HHLA1: variants seen among roughly 807,000 people sequenced by gnomAD.
The protein encoded by HHLA1 is HHLA1 neighbor of OC90, also known as HERV-H LTR-associating protein 1.
HHLA1 carries 72 observed loss-of-function variants against 69.9 expected under a neutral mutation model. That is an observed-to-expected ratio of 1.03 (90% CI 0.85 to 1.25). HHLA1 has a LOEUF of 1.25. Ranked by LOEUF, HHLA1 falls within the 50% of genes most tolerant of loss-of-function variation. The pLI, the probability that HHLA1 is intolerant of heterozygous loss-of-function variation, is 0.00. For missense variants in HHLA1, 685 were observed against 642.2 expected (o/e 1.07, Z -0.72); for synonymous variants, 252 against 233.2 (o/e 1.08, Z -0.73).
intron 7 of HHLA1, among the ~76,000 whole-genome samples, chr8:132,093,236 T>C (rs1823972344): frequency 1.3e-5 from 2 of 152,162 alleles, no homozygotes; most frequent in African/African-American, 4.8e-5. Context: ...TTTATTAGCA[T>C]GTTAATAGTG....
chr8:132,070,079 G>A (rs1439679131), intron 15 of HHLA1: 1 of 215,160 alleles, frequency 4.6e-6, no homozygotes, highest in Non-Finnish European at 9.3e-6. Context: ...CTGTCCACCT[G>A]GGCTTCAGAC....
intron 10 of HHLA1, chr8:132,080,213 T>A: frequency 1.7e-6 from 1 of 602,036 alleles, no homozygotes; most frequent in Non-Finnish European, 3.1e-6. Context: ...GTCTCCTCCA[T>A]ATGCCTTATG....
Position 132,104,103 on chromosome 8 carries a change from C to T in HHLA1, c.139+5G>A. On this transcript the variant is annotated splice_donor_5th_base_variant and intron_variant, in intron 3 of 16. Coordinates refer to ENST00000414222, the MANE Select transcript of HHLA1 (RefSeq NM_001145095.3). ...GCTGAAAAGGAGCCCTTATCACCCA[C>T]TTACCTGTTGTAGGTAAAAAGGTCA... 1 of 1,546,386 alleles carries T rather than the reference C, an allele frequency of 6.5e-7. No homozygotes were observed. Among genetic ancestry groups the T allele is most frequent in the South Asian group, 1.2e-5 (1 of 83,960 alleles).
Position 132,087,890 on chromosome 8 carries a change from T to C in HHLA1, c.544A>G (p.Asn182Asp). The change falls in exon 9 of 17, where the codon AAT (asparagine) becomes GAT (aspartate). Residue 182 changes from asparagine (N) to aspartate (D), a missense_variant. By Grantham distance (23) the Asn-to-Asp change is conservative. Coordinates refer to ENST00000414222, the MANE Select transcript of HHLA1 (RefSeq NM_001145095.3). The part of the protein sequence containing the change: ...STSILSVNQS[N>D]ESDCIFICVM... ...CAGATGAAGATGCAATCTGATTCAT[T>C]GCTTTGATTCACTGTAAGACAAACG... 6.4e-7 allele frequency: 1 copy of C among 1,551,268 alleles called. No homozygotes were observed. Among genetic ancestry groups the C allele is most frequent in the Non-Finnish European group, 8.7e-7 (1 of 1,146,464 alleles).
rs138673082 is a variant in HHLA1 at position 132,087,672 on chromosome 8, G to A, written c.657C>T (p.Ser219=). The change falls in exon 10 of 17, where the codon AGC becomes AGT. Residue 219 remains serine, a synonymous_variant. Transcript: ENST00000414222. ...KYPIINYTFT[S]GLSGVLGAAT... is the part of the protein sequence containing the mutation. ...ACTCACCCAGAACACCAGACAAGCC[G>A]CTGGTAAATGTGTAATTGATAATGG... 6.4e-5 allele frequency: 100 copies of A among 1,550,772 alleles called. No individual in the cohort carries two copies. The African/African-American group carries it at 9.6e-4, about 15-fold the overall frequency.
intron 5 of HHLA1, among the ~76,000 whole-genome samples, 156 bp from the exon 6 acceptor site, chr8:132,095,942 TAAAC>T (rs762781149): frequency 4.7e-4 from 71 of 152,078 alleles, no homozygotes; most frequent in Middle Eastern, 3.4e-3. Flanking sequence ...TAAAAAATAA[TAAAC>T]AAAGTAAAAC....
intron 7 of HHLA1, among the ~76,000 whole-genome samples, chr8:132,094,200 T>A (rs1211231084): frequency 6.6e-6 from 1 of 152,074 alleles, no homozygotes; most frequent in Non-Finnish European, 1.5e-5. Context: ...AGGGTTAATA[T>A]TAGACTAAGT....
At chr8:132,076,574 C>A in intron 12 of HHLA1, 31 bp from the exon 13 acceptor site, 23 of 1,452,724 alleles carry the variant, frequency 1.6e-5, no homozygotes, top group Non-Finnish European at 1.9e-5. Flanking sequence ...GGTGAGCCTG[C>A]ATCTCTTCTA....
chr8:132,096,744 A>G (rs934995062), intron 5 of HHLA1, among the ~76,000 whole-genome samples: 1 of 152,160 alleles, frequency 6.6e-6, no homozygotes, highest in Non-Finnish European at 1.5e-5. Flanking sequence ...GGTCTACTAA[A>G]TCAGATGGTG....
intron 7 of HHLA1, among the ~76,000 whole-genome samples, chr8:132,092,719 T>G (rs953818280): frequency 6.6e-6 from 1 of 152,210 alleles, no homozygotes; most frequent in African/African-American, 2.4e-5. Context: ...TGCAGAACCA[T>G]GAGCTGATTA....
In HHLA1 at chr8:132,063,175, C is replaced by G. The variant is rs1033708334; in HGVS notation, c.*820G>C. The G allele has an allele frequency of 6.6e-6, 1 of 152,202 alleles. No individual in the cohort carries two copies. The highest frequency in any genetic ancestry group is 1.5e-5 in the Non-Finnish European group (1 of 68,056). 9.4% of individuals were successfully genotyped at this position (152,202 alleles called of 1,614,324 possible). On this transcript the variant is annotated 3_prime_UTR_variant, in exon 17 of 17. Coordinates refer to ENST00000414222, the MANE Select transcript of HHLA1 (RefSeq NM_001145095.3). ...TGTGCAACCCCACTGGAAGCTTGTG[C>G]CTGGGCTCTCTTGGACTCTCTCTAG... is the stretch of plus-strand genomic sequence containing the variant.
chr8:132,076,846 T>A (rs1296595360), intron 12 of HHLA1, among the ~76,000 whole-genome samples: 1 of 152,136 alleles, frequency 6.6e-6, no homozygotes, highest in Non-Finnish European at 1.5e-5. Flanking sequence ...AAGTGTCCAA[T>A]GTGGGTGATC....
At chr8:132,077,690 A>G in intron 12 of HHLA1, 36 bp downstream of exon 12, 1 of 1,538,738 alleles carries the variant, frequency 6.5e-7, no homozygotes, top group Non-Finnish European at 8.8e-7. Flanking sequence ...AGTTTAATTT[A>G]AAACGGGAGA....
intron 5 of HHLA1, among the ~76,000 whole-genome samples, chr8:132,096,335 C>T (rs71526232): frequency 0.024 from 3,725 of 152,240 alleles, 80 homozygotes; most frequent in South Asian, 0.062. Context: ...TGGTGGCATC[C>T]GGCACAACAC....
rs1824016307 is a variant in HHLA1, at chr8:132,095,778, TC to T, written c.288del (p.Lys97SerfsTer6). Reference sequence around the variant, plus strand: ...GTGACACTCAGCAAGGAGAAGAACTTCTTGCTATCTGCCAAAACATACCAGA... The same window carrying T: ...GTGACACTCAGCAAGGAGAAGAACTTTTGCTATCTGCCAAAACATACCAGA... The part of the protein sequence containing the change: ...GMLSRALKDS[K>X]KFFSLLSVTS... On this transcript the variant is annotated frameshift_variant, in exon 6 of 17. Transcript: ENST00000414222. LOFTEE classifies it high-confidence loss of function. 1 of 1,549,298 alleles carries T rather than the reference TC, an allele frequency of 6.5e-7. No homozygotes were observed. The highest frequency in any genetic ancestry group is 1.4e-5 in the African/African-American group (1 of 72,934).
At chr8:132,096,363 G>A (rs1174559782) in intron 5 of HHLA1, among the ~76,000 whole-genome samples, 3 of 152,154 alleles carry the variant, frequency 2.0e-5, no homozygotes, top group Non-Finnish European at 2.9e-5. Context: ...CCTGGACAAT[G>A]GCCTCATCTC....
intron 3 of HHLA1, 159 bp downstream of exon 3, chr8:132,103,949 T>C (rs1182036824): frequency 6.8e-6 from 4 of 588,100 alleles, no homozygotes; most frequent in South Asian, 2.5e-5. Flanking sequence ...CAATGAACCA[T>C]AAAGAAATGA....
At chr8:132,065,323 C>T (rs1474446880) in intron 16 of HHLA1, among the ~76,000 whole-genome samples, 3 of 152,082 alleles carry the variant, frequency 2.0e-5, no homozygotes, top group South Asian at 4.2e-4. Flanking sequence ...GCTCTGTGGC[C>T]CAGGCTGGAG....
chr8:132,105,084 G>C lies in HHLA1; in HGVS notation c.79+103C>G, dbSNP rs185904839. On this transcript the variant is annotated intron_variant, in intron 2 of 16. Coordinates refer to ENST00000414222, the MANE Select transcript of HHLA1 (RefSeq NM_001145095.3). ...CTTGCCATTTTGAACAAATTCATTT[G>C]GATTCTGGGCAGAAATGTTGGCTGC... 9.3e-6 allele frequency: 8 copies of C among 863,488 alleles called. No homozygotes were observed. In the African/African-American group the frequency reaches 1.2e-4, roughly 13 times the overall value. The allele number at this position is 863,488 out of a possible 1,614,324, so 53.5% of individuals were successfully genotyped here. A position where few individuals can be genotyped will look rare whatever the true frequency, so the allele number is the denominator to read the frequency against.
Sources: gnomAD v4.1 joint callset for allele counts (sites outside exome capture counted in the v4.1 genomes callset) on GRCh38, gnomAD v4.1.1 for gene constraint, MANE v1.5 for transcripts, NCBI Gene and HGNC (gene_info 2026-07-23, HGNC 2026-07-21) for gene names.